The following NBEA variants were observed in gnomAD, a reference collection of about 807,000 sequenced individuals.
NBEA encodes the protein neurobeachin, also known as lysosomal-trafficking regulator 2.
In NBEA, 44 loss-of-function variants were observed where a neutral mutation model predicts 343.4. The observed-to-expected ratio is 0.13, with a 90% confidence interval of 0.10 to 0.16. The LOEUF (loss-of-function observed/expected upper bound fraction) is 0.16, where lower values mean the gene tolerates loss of function less well. Ranked by LOEUF, NBEA falls within the 10% of genes least tolerant of loss-of-function variation. The probability of loss-of-function intolerance (pLI) is 1.00; values close to 1 mark genes in which losing one functional copy is unlikely to be tolerated. For synonymous variants in NBEA, 1,175 were observed against 1,238.7 expected (o/e 0.95, Z 1.08); for missense variants, 2,555 against 3,631.3 (o/e 0.70, Z 7.62).
At chr13:35,487,757 A>G (rs1325858508) in intron 41 of NBEA, among the ~76,000 whole-genome samples, 1 of 151,926 alleles carries the variant, frequency 6.6e-6, no homozygotes, top group African/African-American at 2.4e-5. Flanking sequence ...CCTTTAACAA[A>G]TATATGCTTT....
rs1566016074 is a variant in NBEA at position 35,352,150 on chromosome 13, T to TTTA, written c.6013-5_6013-3dup. On this transcript the variant is annotated splice_polypyrimidine_tract_variant and splice_region_variant and intron_variant, in intron 37 of 58. Coordinates refer to ENST00000379939, the MANE Select transcript of NBEA (RefSeq NM_001385012.1). ...TATTATTATGCATCATTTGTATTTC[T>TTTA]TTATAGTCACAGTGTGCCCAATATG... 4 of 1,422,714 alleles carry TTTA rather than the reference T, an allele frequency of 2.8e-6. No homozygotes were observed. Among genetic ancestry groups the TTTA allele is most frequent in the Non-Finnish European group, 3.7e-6 (4 of 1,073,588 alleles). The allele number at this position is 1,422,714 out of a possible 1,614,324, so 88.1% of individuals were successfully genotyped here.
At chr13:35,247,110 C>A (rs898435309) in intron 34 of NBEA, among the ~76,000 whole-genome samples, 4 of 152,136 alleles carry the variant, frequency 2.6e-5, no homozygotes, top group African/African-American at 9.7e-5. Context: ...CCACTCAACC[C>A]AGATGGCCGG....
intron 17 of NBEA, among the ~76,000 whole-genome samples, chr13:35,126,031 G>A (rs2067115003): frequency 6.6e-6 from 1 of 152,120 alleles, no homozygotes; most frequent in South Asian, 2.1e-4. Context: ...TAGTGATATG[G>A]TTTGGTTGTG....
chr13:35,126,580 A>G, intron 17 of NBEA, among the ~76,000 whole-genome samples: 1 of 152,144 alleles, frequency 6.6e-6, no homozygotes, highest in Non-Finnish European at 1.5e-5. Context: ...TGAGTTTAGG[A>G]TTAGAAAGAA....
intron 34 of NBEA, among the ~76,000 whole-genome samples, chr13:35,234,121 G>A (rs555955785): frequency 1.3e-5 from 2 of 152,186 alleles, no homozygotes; most frequent in Admixed American, 6.5e-5. Flanking sequence ...GACAGTAGTC[G>A]AATATTAGGG....
chr13:35,061,178 A>G (rs1357868197), intron 8 of NBEA, among the ~76,000 whole-genome samples: 2 of 151,636 alleles, frequency 1.3e-5, no homozygotes, highest in Non-Finnish European at 3.0e-5. Flanking sequence ...CTGGAGTGCT[A>G]GGTAATTTTT....
chr13:35,547,527 A>T (rs1182648356), intron 41 of NBEA, among the ~76,000 whole-genome samples: 2 of 152,202 alleles, frequency 1.3e-5, no homozygotes, highest in Admixed American at 6.5e-5. Context: ...GTGTGATACA[A>T]TTATCATATA....
intron 44 of NBEA, among the ~76,000 whole-genome samples, chr13:35,564,464 A>G (rs2080035798): frequency 6.6e-6 from 1 of 152,084 alleles, no homozygotes; most frequent in Non-Finnish European, 1.5e-5. Context: ...TGTCTAGCCA[A>G]TCTGTACTCT....
chr13:35,057,061 T>G (rs554638050), intron 7 of NBEA, among the ~76,000 whole-genome samples: 201 of 152,258 alleles, frequency 1.3e-3, no homozygotes, highest in African/African-American at 4.5e-3. Flanking sequence ...TTCTCTACTT[T>G]GGGCTTTCCA....
chr13:35,476,628 A>T, intron 41 of NBEA: 1 of 503,754 alleles, frequency 2.0e-6, no homozygotes. Context: ...AAGTGTGCTG[A>T]GTGTGTGTCC....
chr13:35,028,199 C>T (rs2152546480), intron 1 of NBEA, among the ~76,000 whole-genome samples: 1 of 151,924 alleles, frequency 6.6e-6, no homozygotes, highest in Non-Finnish European at 1.5e-5. Flanking sequence ...TTGTTTACAT[C>T]TACTAAAAAT....
At chr13:34,971,117 AAT>A (rs2059984271) in intron 1 of NBEA, among the ~76,000 whole-genome samples, 1 of 150,526 alleles carries the variant, frequency 6.6e-6, no homozygotes, top group Non-Finnish European at 1.5e-5. Flanking sequence ...ATTCCCAGGT[AAT>A]TTATTCTTTT....
At chr13:35,490,945 G>A (rs1343820057) in intron 41 of NBEA, among the ~76,000 whole-genome samples, 1 of 151,870 alleles carries the variant, frequency 6.6e-6, no homozygotes, top group Admixed American at 6.6e-5. Flanking sequence ...ACCTCTCTAA[G>A]TTTGTCTTGT....
chr13:35,594,532 T>C (rs2081676353), intron 47 of NBEA, among the ~76,000 whole-genome samples: 1 of 152,138 alleles, frequency 6.6e-6, no homozygotes, highest in Non-Finnish European at 1.5e-5. Context: ...ACAACATATT[T>C]ACATTTGTAA....
chr13:35,285,695 G>A (rs1206727684), intron 34 of NBEA, among the ~76,000 whole-genome samples: 2 of 152,094 alleles, frequency 1.3e-5, no homozygotes, highest in Non-Finnish European at 1.5e-5. Context: ...GCTTTCAGTC[G>A]TGTAACTAAA....
chr13:35,353,205 G>A (rs999700753), intron 38 of NBEA, among the ~76,000 whole-genome samples: 4 of 152,136 alleles, frequency 2.6e-5, no homozygotes, highest in Non-Finnish European at 4.4e-5. Flanking sequence ...GGAGGCCAAG[G>A]CTGCTGGATC....
intron 38 of NBEA, among the ~76,000 whole-genome samples, chr13:35,362,197 GATAA>G (rs934795334): frequency 4.0e-5 from 6 of 151,794 alleles, no homozygotes; most frequent in African/African-American, 1.4e-4. Flanking sequence ...TTGTTATAAA[GATAA>G]ATAAGTTACA....
intron 44 of NBEA, among the ~76,000 whole-genome samples, chr13:35,558,552 A>G (rs1451472638): frequency 6.6e-6 from 1 of 152,068 alleles, no homozygotes; most frequent in African/African-American, 2.4e-5. Flanking sequence ...CAATATCATT[A>G]TACAAAAAAG....
At chr13:35,078,794 C>T (rs1566249703) in intron 10 of NBEA, among the ~76,000 whole-genome samples, 2 of 152,084 alleles carry the variant, frequency 1.3e-5, no homozygotes, top group African/African-American at 2.4e-5. Context: ...GAGGCCCAGG[C>T]GGGCGGATCA....
Sources: gnomAD v4.1 joint callset for allele counts (sites outside exome capture counted in the v4.1 genomes callset) on GRCh38, gnomAD v4.1.1 for gene constraint, MANE v1.5 for transcripts, NCBI Gene and HGNC (gene_info 2026-07-23, HGNC 2026-07-21) for gene names.